Variants in DOCK5 observed in about 807,000 individuals in gnomAD.
DOCK5 encodes the protein dedicator of cytokinesis protein 5.
In DOCK5, 142 loss-of-function variants were observed where a neutral mutation model predicts 251.8. That is an observed-to-expected ratio of 0.56 (90% CI 0.49 to 0.65). The LOEUF (loss-of-function observed/expected upper bound fraction) is 0.65. Ranked by LOEUF, DOCK5 falls within the 30% of genes least tolerant of loss-of-function variation. The probability of loss-of-function intolerance (pLI) is 0.00; values close to 1 mark genes in which losing one functional copy is unlikely to be tolerated. For missense variants in DOCK5, 2,111 were observed against 2,312.3 expected (o/e 0.91, Z 1.79); for synonymous variants, 842 against 835.5 (o/e 1.01, Z -0.13).
chr8:25,301,323 A>AGCC (rs1375695965), intron 9 of DOCK5, among the ~76,000 whole-genome samples: 1 of 152,186 alleles, frequency 6.6e-6, no homozygotes, highest in Non-Finnish European at 1.5e-5. Flanking sequence ...CATTAACAGA[A>AGCC]GCCTTGCAGA....
At chr8:25,350,703 C>A (rs1407591967) in intron 26 of DOCK5, among the ~76,000 whole-genome samples, 2 of 152,182 alleles carry the variant, frequency 1.3e-5, no homozygotes, top group Non-Finnish European at 2.9e-5. Context: ...TCTCTCTTCC[C>A]AGCTTGCAGA....
At chr8:25,268,433 T>C (rs1273418437) in intron 2 of DOCK5, among the ~76,000 whole-genome samples, 2 of 152,072 alleles carry the variant, frequency 1.3e-5, no homozygotes, top group Non-Finnish European at 2.9e-5. Context: ...TTTAAAAATA[T>C]ATATTTTAAT....
At chr8:25,268,276 G>C (rs978149090) in intron 2 of DOCK5, among the ~76,000 whole-genome samples, 1 of 152,092 alleles carries the variant, frequency 6.6e-6, no homozygotes, top group Admixed American at 6.6e-5. Flanking sequence ...AGAATTGCAC[G>C]TAATTTTGTT....
chr8:25,400,618 C>G (rs550741015), intron 46 of DOCK5, among the ~76,000 whole-genome samples: 42 of 152,064 alleles, frequency 2.8e-4, no homozygotes, highest in African/African-American at 8.9e-4. Flanking sequence ...ACATGACTAC[C>G]AAATTCAGTC....
At chr8:25,381,392 A>G (rs1801065616) in intron 39 of DOCK5, among the ~76,000 whole-genome samples, 1 of 152,202 alleles carries the variant, frequency 6.6e-6, no homozygotes, top group African/African-American at 2.4e-5. Flanking sequence ...TGGGAGGCCA[A>G]GGCAGATGGA....
chr8:25,204,433 A>AGC (rs1801951354), intron 1 of DOCK5, among the ~76,000 whole-genome samples: 2 of 152,196 alleles, frequency 1.3e-5, no homozygotes, highest in African/African-American at 2.4e-5. Flanking sequence ...TCTGCAAAAC[A>AGC]GAGATAATAT....
At position 25,263,885 on chromosome 8, in the gene DOCK5, T is replaced by C. The variant is rs376296856; in HGVS notation, c.128-4960T>C. Among the ~76,000 whole-genome samples, 74 of 152,036 alleles carry C rather than the reference T, an allele frequency of 4.9e-4. 2 individuals are homozygous for C. Among genetic ancestry groups the C allele is most frequent in the African/African-American group, 1.7e-3 (72 of 41,296 alleles). On this transcript the variant is annotated intron_variant, in intron 2 of 51. Coordinates refer to ENST00000276440, the MANE Select transcript of DOCK5 (RefSeq NM_024940.8). ...AGGAGGGACGGCAGAAGGGGCAGGA[T>C]CCATCTCCTGATTCTGTCCTGATTC... is the stretch of plus-strand genomic sequence containing the variant.
At chr8:25,341,620 A>G (rs1423477662) in intron 23 of DOCK5, 119 bp from the exon 24 acceptor site, 2 of 788,376 alleles carry the variant, frequency 2.5e-6, no homozygotes, top group Non-Finnish European at 4.2e-6. Flanking sequence ...TTGTAAGGGT[A>G]TCTGTGTCCA....
chr8:25,301,791 A>G (rs1407728860), intron 9 of DOCK5, among the ~76,000 whole-genome samples: 2 of 152,234 alleles, frequency 1.3e-5, no homozygotes, highest in South Asian at 2.1e-4. Context: ...TTCAGTATAC[A>G]CTGATAAGCT....
intron 21 of DOCK5, among the ~76,000 whole-genome samples, chr8:25,334,941 A>G (rs943719477): frequency 6.6e-6 from 1 of 152,214 alleles, no homozygotes. Context: ...CATCTTTTGC[A>G]TAAGAGGCAG....
chr8:25,255,291 G>A (rs1177365422), intron 2 of DOCK5, among the ~76,000 whole-genome samples: 1 of 152,224 alleles, frequency 6.6e-6, no homozygotes, highest in African/African-American at 2.4e-5. Context: ...TTGCCAAAAT[G>A]TGGGAGTAAA....
chr8:25,248,097 A>C (rs1803165465), intron 2 of DOCK5, among the ~76,000 whole-genome samples: 1 of 152,198 alleles, frequency 6.6e-6, no homozygotes, highest in Non-Finnish European at 1.5e-5. Context: ...TTCATTAACC[A>C]CCAAGGGGCA....
chr8:25,401,358 G>T (rs1402688593), intron 47 of DOCK5, among the ~76,000 whole-genome samples: 3 of 152,064 alleles, frequency 2.0e-5, no homozygotes, highest in African/African-American at 7.2e-5. Context: ...CTGGGGGTGG[G>T]GCCCAAGTAG....
Position 25,302,358 on chromosome 8 carries a change from G to A in DOCK5, c.880G>A (p.Val294Ile), listed in dbSNP as rs777228860. 6.1e-5 allele frequency: 98 copies of A among 1,613,200 alleles called. No homozygotes were observed. The highest frequency in any genetic ancestry group is 1.6e-4 in the Middle Eastern group (1 of 6,082). Residue 294 changes from valine to isoleucine, a missense_variant, in exon 10 of 52, where the codon GTC (valine) becomes ATC (isoleucine). By Grantham distance (29) the Val-to-Ile change is conservative. Around this residue, in one of 3 missense-constraint regions of DOCK5, gnomAD observed 59 missense variants for 95.0 expected, o/e 0.62. Coordinates refer to ENST00000276440, the MANE Select transcript of DOCK5 (RefSeq NM_024940.8). ...LSSMDLIRPR[V>I]SLVCQIVRVG... Reference sequence around the variant, plus strand: ...CAGCATGGACCTCATCCGGCCCCGCGTCAGCCTTGTGTGCCAGATTGTCCG... The same window carrying A: ...CAGCATGGACCTCATCCGGCCCCGCATCAGCCTTGTGTGCCAGATTGTCCG...
intron 5 of DOCK5, among the ~76,000 whole-genome samples, chr8:25,288,141 C>A (rs936898716): frequency 3.9e-5 from 6 of 152,188 alleles, no homozygotes; most frequent in Admixed American, 6.5e-5. Context: ...CTGCCTCGGC[C>A]TCCCAAAGTG....
At chr8:25,399,386 G>C (rs7833951) in intron 45 of DOCK5, among the ~76,000 whole-genome samples, 3 of 151,976 alleles carry the variant, frequency 2.0e-5, no homozygotes, top group African/African-American at 7.3e-5. Context: ...TTTTAAAATA[G>C]CACTTGGGAT....
At chr8:25,399,844 C>A (rs1801406496) in intron 45 of DOCK5, 67 bp from the exon 46 acceptor site, 3 of 1,265,386 alleles carry the variant, frequency 2.4e-6, no homozygotes, top group African/African-American at 1.5e-5. Flanking sequence ...ACATGTTTCA[C>A]CCTTCCAGGC....
chr8:25,345,554 C>T lies in DOCK5; in HGVS notation c.2697C>T (p.His899=), dbSNP rs772960086. Residue 899 remains histidine, a synonymous_variant, in exon 26 of 52, where the codon CAC becomes CAT. Coordinates refer to ENST00000276440, the MANE Select transcript of DOCK5 (RefSeq NM_024940.8). ...QLDDNSNKPD[H]EASSQLLSNI... is the part of the protein sequence containing the mutation. ...ATGACAACTCCAACAAGCCTGACCA[C>T]GAGGCAAGCTCGCAGCTTCTGAGCA... 6.9e-5 allele frequency: 112 copies of T among 1,613,798 alleles called. No homozygotes were observed. Among genetic ancestry groups the T allele is most frequent in the South Asian group, 3.3e-5 (3 of 91,090 alleles).
At position 25,210,045 on chromosome 8, in the gene DOCK5, T is replaced by TAAAA. The variant is rs1563309191; in HGVS notation, c.43+25094_43+25095insAAAA. Among the ~76,000 whole-genome samples, 186 of 20,648 alleles carry TAAAA rather than the reference T, an allele frequency of 9.0e-3. 72 individuals carry two copies. The highest frequency in any genetic ancestry group is 0.014 in the Admixed American group (21 of 1,452). The allele number at this position is 20,648 out of a possible 152,430, so 13.5% of individuals were successfully genotyped here. Reference sequence around the variant, plus strand: ...ATATATATATATATAAATGTGTGTGTGTGTGTGTGTGTGTGTGTGTGTGTA... The same window carrying TAAAA: ...ATATATATATATATAAATGTGTGTGTAAAAGTGTGTGTGTGTGTGTGTGTGTGTA... On this transcript the variant is annotated intron_variant, in intron 1 of 51. Transcript: ENST00000276440.
Sources: gnomAD v4.1 joint callset for allele counts (sites outside exome capture counted in the v4.1 genomes callset) on GRCh38, gnomAD v4.1.1 for gene constraint, gnomAD v4.1.1 regional missense constraint, MANE v1.5 for transcripts, NCBI Gene and HGNC (gene_info 2026-07-23, HGNC 2026-07-21) for gene names.